The following FAM174A variants were observed in gnomAD, a reference collection of about 807,000 sequenced individuals.
FAM174A encodes family with sequence similarity 174 member A.
Under a neutral mutation model 14.3 loss-of-function variants are expected in FAM174A, and 14 were observed. That is an observed-to-expected ratio of 0.98 (90% confidence interval 0.65 to 1.53). The LOEUF (loss-of-function observed/expected upper bound fraction) is 1.53. FAM174A is among the 40% of genes most tolerant of loss of function. The pLI, the probability that FAM174A is intolerant of heterozygous loss-of-function variation, is 0.00. For missense variants in FAM174A, 241 were observed against 249.6 expected (o/e 0.97, Z 0.23); for synonymous variants, 108 against 111.4 (o/e 0.97, Z 0.19).
intron 2 of FAM174A, among the ~76,000 whole-genome samples, chr5:100,570,655 G>A (rs1746760105): frequency 6.6e-6 from 1 of 151,920 alleles, no homozygotes; most frequent in African/African-American, 2.4e-5. Context: ...ACATGACAAA[G>A]ATGGCCAAAG....
intron 2 of FAM174A, among the ~76,000 whole-genome samples, chr5:100,564,393 GAA>G (rs1248991416): frequency 2.6e-5 from 4 of 151,620 alleles, no homozygotes; most frequent in Non-Finnish European, 4.4e-5. Context: ...TGCTAGGAGA[GAA>G]GTTTATAGCA....
At chr5:100,537,104 T>C (rs1295449971) in intron 1 of FAM174A, among the ~76,000 whole-genome samples, 1 of 152,244 alleles carries the variant, frequency 6.6e-6, no homozygotes, top group Non-Finnish European at 1.5e-5. Flanking sequence ...AGTAGTATCA[T>C]AAAGGAATAA....
At chr5:100,562,746 T>C (rs1746554705) in intron 2 of FAM174A, among the ~76,000 whole-genome samples, 1 of 151,864 alleles carries the variant, frequency 6.6e-6, no homozygotes. Flanking sequence ...GGGGGACTAA[T>C]TGTTTATGGT....
chr5:100,535,947 C>T lies in FAM174A; in HGVS notation c.417C>T (p.Phe139=), dbSNP rs759880540. The T allele has an allele frequency of 3.8e-6, 6 of 1,593,130 alleles. No homozygotes were observed. The East Asian group carries it at 9.0e-5, about 24-fold the overall frequency. ...MVVSGAVLVY[F]VVRTVRMRRR... Reference sequence around the variant, plus strand: ...TGAGCGGCGCGGTGCTGGTGTACTTCGTGGTCAGGACGGTCAGGTGAGGCA... The same window carrying T: ...TGAGCGGCGCGGTGCTGGTGTACTTTGTGGTCAGGACGGTCAGGTGAGGCA... Residue 139 remains phenylalanine, a synonymous_variant, in exon 1 of 3, where the codon TTC becomes TTT. Coordinates refer to ENST00000312637, the MANE Select transcript of FAM174A (RefSeq NM_198507.3).
At chr5:100,550,162 AG>A (rs920697688) in intron 1 of FAM174A, among the ~76,000 whole-genome samples, 2 of 152,194 alleles carry the variant, frequency 1.3e-5, no homozygotes, top group African/African-American at 4.8e-5. Flanking sequence ...TAGGGATTCT[AG>A]TTGGGTTAGA....
At chr5:100,576,631 G>A (rs916922143) in intron 2 of FAM174A, among the ~76,000 whole-genome samples, 3 of 152,088 alleles carry the variant, frequency 2.0e-5, no homozygotes, top group East Asian at 1.9e-4. Flanking sequence ...TACCAGTTGA[G>A]GTGGAATGGA....
At chr5:100,546,365 G>T (rs922815867) in intron 1 of FAM174A, among the ~76,000 whole-genome samples, 2 of 152,134 alleles carry the variant, frequency 1.3e-5, no homozygotes, top group African/African-American at 2.4e-5. Flanking sequence ...ACTATGGGAA[G>T]TGAGTAGGTA....
intron 1 of FAM174A, among the ~76,000 whole-genome samples, chr5:100,549,965 G>A (rs754776261): frequency 1.4e-4 from 22 of 152,034 alleles, no homozygotes; most frequent in Non-Finnish European, 3.1e-4. Context: ...AATATCTTTA[G>A]CATTGAATAC....
At chr5:100,552,458 T>G (rs556862208) in intron 1 of FAM174A, among the ~76,000 whole-genome samples, 2 of 151,744 alleles carry the variant, frequency 1.3e-5, no homozygotes, top group Admixed American at 1.3e-4. Flanking sequence ...AATATTACCC[T>G]ACAGATGCTT....
intron 1 of FAM174A, among the ~76,000 whole-genome samples, chr5:100,544,930 C>T (rs1199155923): frequency 2.0e-5 from 3 of 152,218 alleles, no homozygotes; most frequent in Non-Finnish European, 4.4e-5. Flanking sequence ...TAGCAATGCT[C>T]AGGTGGTATC....
At chr5:100,551,142 A>T (rs1242161901) in intron 1 of FAM174A, among the ~76,000 whole-genome samples, 13 of 152,172 alleles carry the variant, frequency 8.5e-5, no homozygotes, top group Admixed American at 5.9e-4. Flanking sequence ...GTGGTATGGT[A>T]AGCAATATAA....
intron 1 of FAM174A, among the ~76,000 whole-genome samples, chr5:100,558,935 A>G (rs553534585): frequency 4.6e-5 from 7 of 152,286 alleles, no homozygotes; most frequent in African/African-American, 1.7e-4. Flanking sequence ...TAGCCCATTT[A>G]CATTTAAGGT....
rs1488327296 is a variant in FAM174A, at chr5:100,557,389, A to G, written c.435-4665A>G. 2.6e-5 allele frequency among the ~76,000 whole-genome samples: 4 copies of G among 152,072 alleles called. No homozygotes were observed. The East Asian group carries it at 7.7e-4, about 29-fold the overall frequency. ...TGATGTTCATCAGGGATATTGGTCT[A>G]AAATTCTCTTTTTTTGTTGTGTCTC... On this transcript the variant is annotated intron_variant, in intron 1 of 2. Coordinates refer to ENST00000312637, the MANE Select transcript of FAM174A (RefSeq NM_198507.3).
chr5:100,570,805 A>G (rs958091410), intron 2 of FAM174A, among the ~76,000 whole-genome samples: 6 of 151,962 alleles, frequency 3.9e-5, no homozygotes, highest in Admixed American at 6.6e-5. Context: ...TTGCCCCAAT[A>G]TTAAGTAGGT....
At chr5:100,536,483 A>G (rs951332627) in intron 1 of FAM174A, among the ~76,000 whole-genome samples, 3 of 152,224 alleles carry the variant, frequency 2.0e-5, no homozygotes, top group African/African-American at 4.8e-5. Flanking sequence ...GAGGTGCCTT[A>G]TGGATATTTT....
chr5:100,572,713 C>T (rs1245182786), intron 2 of FAM174A, among the ~76,000 whole-genome samples: 5 of 152,138 alleles, frequency 3.3e-5, no homozygotes, highest in Admixed American at 6.6e-5. Flanking sequence ...AATAAACATA[C>T]ATGTGCACGT....
At chr5:100,564,235 T>C (rs1236383589) in intron 2 of FAM174A, among the ~76,000 whole-genome samples, 3 of 151,800 alleles carry the variant, frequency 2.0e-5, no homozygotes, top group African/African-American at 7.3e-5. Context: ...GGTATGTCTT[T>C]ATAGCAATGA....
intron 2 of FAM174A, among the ~76,000 whole-genome samples, chr5:100,577,758 G>A (rs896582914): frequency 6.6e-6 from 1 of 151,970 alleles, no homozygotes; most frequent in Non-Finnish European, 1.5e-5. Context: ...GTTGGTAGTA[G>A]GATAGTTCCT....
intron 1 of FAM174A, among the ~76,000 whole-genome samples, chr5:100,546,251 G>T (rs1746162251): frequency 6.6e-6 from 1 of 152,166 alleles, no homozygotes; most frequent in African/African-American, 2.4e-5. Flanking sequence ...TCAGAGCTTG[G>T]TGAGAGACAC....
Sources: allele counts gnomAD v4.1 joint callset (sites outside exome capture counted in the v4.1 genomes callset), GRCh38; gene constraint gnomAD v4.1.1; transcripts MANE v1.5; gene names NCBI Gene and HGNC (gene_info 2026-07-23, HGNC 2026-07-21).